Variants in MTMR7 observed in about 807,000 individuals in gnomAD.
MTMR7 encodes phosphatidylinositol-3-phosphate phosphatase MTMR7.
Under a neutral mutation model 81.2 loss-of-function variants are expected in MTMR7, and 76 were observed. The ratio of observed to expected loss-of-function variants is 0.94; its 90% CI spans 0.78 to 1.13. The LOEUF (loss-of-function observed/expected upper bound fraction) is 1.13. Among genes scored for constraint, MTMR7 ranks in the 50% most tolerant of loss-of-function variants. The pLI, the probability that MTMR7 is intolerant of heterozygous loss-of-function variation, is 0.00. For synonymous variants in MTMR7, 372 were observed against 289.8 expected (o/e 1.28, Z -2.88); for missense variants, 1,044 against 820.0 (o/e 1.27, Z -3.34).
At chr8:17,311,751 A>G (rs563189671) in intron 8 of MTMR7, 115 bp from the exon 9 acceptor site, 2 of 1,493,950 alleles carry the variant, frequency 1.3e-6, no homozygotes, top group East Asian at 2.3e-5. Context: ...AAAACGAAAC[A>G]CCTGTCCATT....
At chr8:17,363,935 CTT>C (rs34907644) in intron 3 of MTMR7, among the ~76,000 whole-genome samples, 8 of 129,046 alleles carry the variant, frequency 6.2e-5, no homozygotes, top group Admixed American at 1.5e-4. Context: ...CTTGACAATC[CTT>C]TTTTTTTTTT....
chr8:17,337,616 AT>A (rs1819285902), intron 6 of MTMR7, among the ~76,000 whole-genome samples: 1 of 151,802 alleles, frequency 6.6e-6, no homozygotes, highest in African/African-American at 2.4e-5. Flanking sequence ...TTGTCTCCCA[AT>A]TTTTTCTTTT....
At chr8:17,412,536 A>C (rs1821763577) in intron 1 of MTMR7, among the ~76,000 whole-genome samples, 1 of 152,238 alleles carries the variant, frequency 6.6e-6, no homozygotes. Context: ...GATTTGGTAC[A>C]GCGATCAACG....
At chr8:17,388,301 C>T (rs1055602243) in intron 1 of MTMR7, among the ~76,000 whole-genome samples, 3 of 151,822 alleles carry the variant, frequency 2.0e-5, no homozygotes, top group Non-Finnish European at 4.4e-5. Flanking sequence ...TTTCAACAAG[C>T]ATAAAGAAGA....
intron 5 of MTMR7, among the ~76,000 whole-genome samples, chr8:17,347,338 A>G (rs1356086995): frequency 6.6e-6 from 1 of 152,218 alleles, no homozygotes; most frequent in Non-Finnish European, 1.5e-5. Context: ...GAGTATAACT[A>G]AAAATAATTT....
intron 1 of MTMR7, among the ~76,000 whole-genome samples, chr8:17,388,017 G>A (rs765497018): frequency 1.3e-5 from 2 of 152,158 alleles, no homozygotes; most frequent in African/African-American, 2.4e-5. Context: ...GCCAAGCTAC[G>A]TAAGAAGTAA....
chr8:17,372,413 C>G (rs1820446539), intron 2 of MTMR7, among the ~76,000 whole-genome samples: 1 of 152,080 alleles, frequency 6.6e-6, no homozygotes, highest in Admixed American at 6.6e-5. Context: ...TAGTGAAACC[C>G]TGCCTCTACT....
chr8:17,382,674 A>C (rs565474690), intron 1 of MTMR7, among the ~76,000 whole-genome samples: 2 of 152,328 alleles, frequency 1.3e-5, no homozygotes, highest in South Asian at 4.1e-4. Flanking sequence ...CCCCTTGGTC[A>C]GAAAGTGCCT....
chr8:17,327,100 T>A (rs2150522023), intron 7 of MTMR7, among the ~76,000 whole-genome samples: 1 of 152,320 alleles, frequency 6.6e-6, no homozygotes, highest in East Asian at 1.9e-4. Flanking sequence ...TTATACATAT[T>A]CTCCCATGTT....
chr8:17,365,598 C>T (rs758600679), intron 3 of MTMR7, among the ~76,000 whole-genome samples: 6 of 152,126 alleles, frequency 3.9e-5, no homozygotes, highest in South Asian at 4.1e-4. Context: ...GGAAGTGCAA[C>T]GAAGGCCTCA....
At position 17,304,530 on chromosome 8, in the gene MTMR7, G is replaced by C. The variant is rs1239830092; in HGVS notation, c.1353-11C>G. On this transcript the variant is annotated splice_polypyrimidine_tract_variant and intron_variant, in intron 11 of 13. Coordinates refer to ENST00000180173, the MANE Select transcript of MTMR7 (RefSeq NM_004686.5). ...GTTCTTTCTTGAATCCTGTTATAAA[G>C]AAAATAAGTCTATAAATGACCTATT... The C allele has an allele frequency of 6.2e-7, 1 of 1,611,816 alleles. No homozygotes were observed. The highest frequency in any genetic ancestry group is 8.5e-7 in the Non-Finnish European group (1 of 1,178,384).
intron 6 of MTMR7, among the ~76,000 whole-genome samples, chr8:17,335,025 A>C (rs974353508): frequency 2.0e-5 from 3 of 152,210 alleles, no homozygotes; most frequent in Non-Finnish European, 4.4e-5. Flanking sequence ...CCACTACAAC[A>C]GGCCCAGCCA....
intron 7 of MTMR7, 66 bp downstream of exon 7, chr8:17,331,084 C>G (rs773156540): frequency 2.0e-4 from 302 of 1,546,424 alleles, no homozygotes; most frequent in Non-Finnish European, 2.5e-4. Flanking sequence ...TCAAGACTAT[C>G]TTATTCCCTT....
At chr8:17,354,681 T>A (rs75941662) in intron 4 of MTMR7, among the ~76,000 whole-genome samples, 1,698 of 152,230 alleles carry the variant, frequency 0.011, 43 homozygotes, top group African/African-American at 0.038. Flanking sequence ...CCTCAAAGGA[T>A]TTGTGAGAAG....
At chr8:17,406,983 A>G (rs968838253) in intron 1 of MTMR7, among the ~76,000 whole-genome samples, 6 of 152,148 alleles carry the variant, frequency 3.9e-5, no homozygotes, top group Admixed American at 1.3e-4. Context: ...CTGAATGCCA[A>G]TGGGTATAGT....
chr8:17,351,799 T>C (rs1468819135), intron 4 of MTMR7, among the ~76,000 whole-genome samples: 2 of 152,274 alleles, frequency 1.3e-5, no homozygotes, highest in Admixed American at 6.5e-5. Flanking sequence ...AAAGCAGATT[T>C]AGGGTGTCAG....
In MTMR7 at chr8:17,331,199, C is replaced by G; in HGVS notation, c.816G>C (p.Gly272=). Residue 272 remains glycine, a synonymous_variant, in exon 7 of 14, where the codon GGG becomes GGC. Transcript: ENST00000180173. ...TCCTCATGACATGGATGTTCTCTAT[C>G]CCGATAAACTGAAACTTGATATTGG... ...NYSNIKFQFI[G]IENIHVMRNS... 6.2e-7 allele frequency: 1 copy of G among 1,612,786 alleles called. No individual in the cohort carries two copies. Among genetic ancestry groups the G allele is most frequent in the Non-Finnish European group, 8.5e-7 (1 of 1,179,614 alleles).
rs78886882 is a variant in MTMR7, at chr8:17,371,329, G to A, written c.148-130C>T. 6,818 of 993,358 alleles carry A rather than the reference G, an allele frequency of 6.9e-3. 174 individuals are homozygous for A. Among genetic ancestry groups the A allele is most frequent in the East Asian group, 0.066 (2,564 of 39,028 alleles). 61.5% of individuals were successfully genotyped at this position (993,358 alleles called of 1,614,324 possible). ...AACCTCCAGCTAGCTCAACCCTTGC[G>A]TTCAGATGACAAGCACTGAGATGTT... On this transcript the variant is annotated intron_variant, in intron 2 of 13. Coordinates refer to ENST00000180173, the MANE Select transcript of MTMR7 (RefSeq NM_004686.5).
chr8:17,387,435 C>A (rs1348620011), intron 1 of MTMR7, among the ~76,000 whole-genome samples: 2 of 152,146 alleles, frequency 1.3e-5, no homozygotes, highest in Non-Finnish European at 2.9e-5. Context: ...AAATTCACCC[C>A]AGTAATCTTG....
Sources: gnomAD v4.1 joint callset for allele counts (sites outside exome capture counted in the v4.1 genomes callset) on GRCh38, gnomAD v4.1.1 for gene constraint, MANE v1.5 for transcripts, NCBI Gene and HGNC (gene_info 2026-07-23, HGNC 2026-07-21) for gene names.